KCNT2: variants seen among roughly 807,000 people sequenced by gnomAD.
KCNT2 encodes the protein potassium channel subfamily T member 2.
KCNT2 carries 67 observed loss-of-function variants against 153.8 expected under a neutral mutation model. The ratio of observed to expected loss-of-function variants is 0.44; its 90% confidence interval spans 0.36 to 0.53. The LOEUF is 0.53. KCNT2 is among the 20% of genes least tolerant of loss of function. The pLI is 0.00. For missense variants in KCNT2, 975 were observed against 1,354.8 expected, an observed-to-expected ratio of 0.72 and a Z score of 4.40; for synonymous variants, 500 against 458.8, an observed-to-expected ratio of 1.09 and a Z score of -1.15.
chr1:196,440,765 T>A (rs1421884476), intron 8 of KCNT2, among the ~76,000 whole-genome samples: 2 of 151,876 alleles, frequency 1.3e-5, no homozygotes, highest in Non-Finnish European at 2.9e-5. Flanking sequence ...TAAAAAATTC[T>A]CCATCTCTAC....
intron 25 of KCNT2, 83 bp downstream of exon 25, chr1:196,280,777 T>A: frequency 7.8e-7 from 1 of 1,288,122 alleles, no homozygotes; most frequent in Non-Finnish European, 1.1e-6. Context: ...TCTTGCATTT[T>A]TTATAAATCA....
intron 1 of KCNT2, among the ~76,000 whole-genome samples, chr1:196,506,826 G>A (rs116789172): frequency 7.2e-4 from 109 of 152,138 alleles, no homozygotes; most frequent in African/African-American, 2.6e-3. Flanking sequence ...TGGTATAAAG[G>A]GAGCTTTCCC....
intron 1 of KCNT2, among the ~76,000 whole-genome samples, chr1:196,524,783 A>G (rs1653955193): frequency 6.6e-6 from 1 of 152,204 alleles, no homozygotes. Context: ...CCAAGCTATC[A>G]AATTTTCATT....
intron 14 of KCNT2, among the ~76,000 whole-genome samples, chr1:196,359,424 A>C (rs966968361): frequency 1.3e-5 from 2 of 152,152 alleles, no homozygotes; most frequent in Admixed American, 1.3e-4. Flanking sequence ...GAGTCTCATG[A>C]GAGAGAGCAG....
chr1:196,541,141 T>TA (rs11437050), intron 1 of KCNT2, among the ~76,000 whole-genome samples: 141,658 of 151,146 alleles, frequency 0.94, 67,025 homozygotes, highest in Non-Finnish European at 1. Flanking sequence ...TGTACTGAGA[T>TA]AAAAAAAGCA....
intron 22 of KCNT2, among the ~76,000 whole-genome samples, chr1:196,290,382 T>C (rs1660074971): frequency 6.6e-6 from 1 of 152,044 alleles, no homozygotes; most frequent in African/African-American, 2.4e-5. Flanking sequence ...TAGACTCTCC[T>C]TTATGAACCT....
chr1:196,420,587 C>G (rs1186655007), intron 12 of KCNT2, among the ~76,000 whole-genome samples: 1 of 151,888 alleles, frequency 6.6e-6, no homozygotes. Context: ...CATATCTCTG[C>G]ACACACAGAC....
intron 14 of KCNT2, among the ~76,000 whole-genome samples, chr1:196,344,006 C>T (rs1026917500): frequency 6.6e-6 from 1 of 152,100 alleles, no homozygotes; most frequent in Admixed American, 6.6e-5. Flanking sequence ...TCTTGAACTC[C>T]CAACCTCAGG....
intron 1 of KCNT2, among the ~76,000 whole-genome samples, chr1:196,563,685 T>C (rs1369340935): frequency 6.6e-6 from 1 of 151,918 alleles, no homozygotes; most frequent in Non-Finnish European, 1.5e-5. Flanking sequence ...GCGGTATTTA[T>C]CCATTTAACG....
At chr1:196,279,100 G>T (rs1658849272) in intron 25 of KCNT2, among the ~76,000 whole-genome samples, 1 of 152,146 alleles carries the variant, frequency 6.6e-6, no homozygotes, top group Non-Finnish European at 1.5e-5. Context: ...AATTTCTGTT[G>T]TTTACAAGCC....
chr1:196,257,687 C>T (rs1412991209), intron 26 of KCNT2: 1 of 981,234 alleles, frequency 1.0e-6, no homozygotes, highest in Non-Finnish European at 1.2e-6. Flanking sequence ...GACAGATTGG[C>T]ACTATATGAG....
intron 14 of KCNT2, among the ~76,000 whole-genome samples, chr1:196,352,049 T>C (rs1290854755): frequency 6.6e-6 from 1 of 152,224 alleles, no homozygotes; most frequent in African/African-American, 2.4e-5. Context: ...ATCCCAGGGA[T>C]GAAGCCCACT....
chr1:196,399,651 GT>G (rs1236941229), intron 12 of KCNT2, among the ~76,000 whole-genome samples: 1 of 151,728 alleles, frequency 6.6e-6, no homozygotes, highest in East Asian at 1.9e-4. Context: ...AGAAGAAGTT[GT>G]TATTTATGGT....
chr1:196,320,352 T>C (rs549022707), intron 19 of KCNT2, among the ~76,000 whole-genome samples: 1 of 151,982 alleles, frequency 6.6e-6, no homozygotes, highest in South Asian at 2.1e-4. Flanking sequence ...TTCAGGTATA[T>C]GCAAAAGAAT....
intron 8 of KCNT2, among the ~76,000 whole-genome samples, chr1:196,451,262 A>C (rs1572499778): frequency 5.6e-5 from 1 of 17,792 alleles, no homozygotes. Context: ...TTTTTTTTTG[A>C]GACTCCATCT....
intron 17 of KCNT2, among the ~76,000 whole-genome samples, chr1:196,333,584 T>C (rs565555956): frequency 5.9e-5 from 9 of 152,224 alleles, no homozygotes; most frequent in African/African-American, 2.2e-4. Context: ...TTTTTTTTCC[T>C]TGAGGATAAA....
chr1:196,297,269 C>T (rs551499536), intron 22 of KCNT2, among the ~76,000 whole-genome samples: 1 of 152,148 alleles, frequency 6.6e-6, no homozygotes, highest in East Asian at 1.9e-4. Flanking sequence ...TTACCACATT[C>T]TAATAATTTA....
chr1:196,603,512 T>C (rs911843964), intron 1 of KCNT2, among the ~76,000 whole-genome samples: 2 of 152,224 alleles, frequency 1.3e-5, no homozygotes, highest in African/African-American at 2.4e-5. Flanking sequence ...GCAGTGTATA[T>C]CTAAAATTAC....
chr1:196,518,489 A>G lies in KCNT2; in HGVS notation c.96-26148T>C, dbSNP rs1385522250. Among the ~76,000 whole-genome samples the G allele has an allele frequency of 3.3e-5, 5 of 151,974 alleles. No homozygotes were observed. In the East Asian group the frequency reaches 5.8e-4, roughly 18 times the overall value. ...TGGCAAGCTGGATTTAAAAAAAAAA[A>G]AAAAAAAGCAAGATCCAATGGTATG... On this transcript the variant is annotated intron_variant, in intron 1 of 27. Transcript: ENST00000294725.
Sources: gnomAD v4.1 joint callset for allele counts (sites outside exome capture counted in the v4.1 genomes callset) on GRCh38, gnomAD v4.1.1 for gene constraint, MANE v1.5 for transcripts, NCBI Gene and HGNC (gene_info 2026-07-23, HGNC 2026-07-21) for gene names.